The following PPCS variants were observed in gnomAD, a reference collection of about 807,000 sequenced individuals.
The protein encoded by PPCS is phosphopantothenoylcysteine synthetase, also known as phosphopantothenate--cysteine ligase.
In PPCS, 17 loss-of-function variants were observed where a neutral mutation model predicts 24.6. That is an observed-to-expected ratio of 0.69 (90% CI 0.47 to 1.04). The LOEUF (loss-of-function observed/expected upper bound fraction) is 1.04, where lower values mean the gene tolerates loss of function less well. Ranked by LOEUF, PPCS falls within the 50% of genes least tolerant of loss-of-function variation. The pLI, the probability that PPCS is intolerant of heterozygous loss-of-function variation, is 0.00. For synonymous variants in PPCS, 190 were observed against 168.3 expected (o/e 1.13, Z -1.00); for missense variants, 360 against 402.8 (o/e 0.89, Z 0.91).
At chr1:42,465,372 T>C (rs967593083), downstream of PPCS, among the ~76,000 whole-genome samples, 3 of 148,882 alleles carry the variant, frequency 2.0e-5, no homozygotes, top group Non-Finnish European at 2.9e-5. Context: ...TGTTTTGTTT[T>C]GTTTTGTTTG....
Position 42,460,143 on chromosome 1 carries a change from T to C in PPCS, c.*217T>C. 1 of 1,281,688 alleles carries C rather than the reference T, an allele frequency of 7.8e-7. No individual in the cohort carries two copies. Among genetic ancestry groups the C allele is most frequent in the East Asian group, 3.1e-5 (1 of 32,776 alleles). 79.4% of individuals were successfully genotyped at this position (1,281,688 alleles called of 1,614,324 possible). A position where few individuals can be genotyped will look rare whatever the true frequency, so the allele number is the denominator to read the frequency against. On this transcript the variant is annotated 3_prime_UTR_variant, in exon 3 of 3. Coordinates refer to ENST00000372561, the MANE Select transcript of PPCS (RefSeq NM_024664.4). Reference sequence around the variant, plus strand: ...GAACACTAGAACTGTTAATCACCTTTAAAAAGAAGAGCTTATTGGGAATTA... The same window carrying C: ...GAACACTAGAACTGTTAATCACCTTCAAAAAGAAGAGCTTATTGGGAATTA...
At chr1:42,473,165 A>T in exon 3 of PPCS, 1 of 1,230,788 alleles carries the variant, frequency 8.1e-7, no homozygotes, top group Non-Finnish European at 1.0e-6. Flanking sequence ...CTTGAAAAAG[A>T]AGAAATCAAT....
At chr1:42,457,572 G>A in intron 2 of PPCS, 1 of 572,080 alleles carries the variant, frequency 1.7e-6, no homozygotes, top group Non-Finnish European at 3.1e-6. Flanking sequence ...GTGGAGGTAT[G>A]TACAAAGTGC....
intron 2 of PPCS, among the ~76,000 whole-genome samples, chr1:42,458,210 A>C (rs565578287): frequency 6.6e-6 from 1 of 152,312 alleles, no homozygotes; most frequent in Non-Finnish European, 1.5e-5. Context: ...AATGAGATAA[A>C]GTTTTTGTTT....
chr1:42,459,293 G>A, intron 2 of PPCS: 1 of 280,598 alleles, frequency 3.6e-6, no homozygotes, highest in South Asian at 4.9e-5. Context: ...CTCCTGAGTA[G>A]CTGGGACTAC....
rs762909481 is a variant in PPCS, at chr1:42,456,570, C to T, written c.5C>T (p.Ala2Val). 8 of 1,479,018 alleles carry T rather than the reference C, an allele frequency of 5.4e-6. No homozygotes were observed. The highest frequency in any genetic ancestry group is 7.2e-6 in the Non-Finnish European group (8 of 1,116,802). 91.6% of individuals were successfully genotyped at this position (1,479,018 alleles called of 1,614,324 possible). ...GCGCCGGCCGCTGCGCTGCAGATGGCGGAAATGGATCCGGTAGCCGAGTTC... is the reference window on the plus strand; with the variant it reads ...GCGCCGGCCGCTGCGCTGCAGATGGTGGAAATGGATCCGGTAGCCGAGTTC... The part of the protein sequence containing the change: M[A>V]EMDPVAEFPQ... Residue 2 changes from alanine to valine, a missense_variant, in exon 1 of 3, where the codon GCG (alanine) becomes GTG (valine). This residue lies in a region of PPCS where 244 missense variants were observed against 234.7 expected (regional missense o/e 1.04). Coordinates refer to ENST00000372561, the MANE Select transcript of PPCS (RefSeq NM_024664.4).
intron 2 of PPCS, among the ~76,000 whole-genome samples, chr1:42,472,325 A>G: frequency 6.6e-6 from 1 of 152,228 alleles, no homozygotes; most frequent in East Asian, 1.9e-4. Flanking sequence ...TTTATCTTTC[A>G]TATACTGTCA....
chr1:42,459,157 T>A (rs76118079), intron 2 of PPCS: 1 of 65,646 alleles, frequency 1.5e-5, no homozygotes, highest in African/African-American at 6.6e-5. Context: ...AGCCAAGGCT[T>A]TTTTTTTTTT....
At chr1:42,456,469 C>T (rs983142552), upstream of PPCS, 12 of 1,301,314 alleles carry the variant, frequency 9.2e-6, no homozygotes, top group African/African-American at 3.0e-5. Context: ...TAGTGAACCG[C>T]CCACTCAGTA....
chr1:42,465,034 A>G (rs1643525761), downstream of PPCS, among the ~76,000 whole-genome samples: 1 of 152,238 alleles, frequency 6.6e-6, no homozygotes, highest in Non-Finnish European at 1.5e-5. Context: ...GTTAGATGCT[A>G]TATTGTAAGG....
intron 2 of PPCS, among the ~76,000 whole-genome samples, chr1:42,467,015 G>T (rs1436160900): frequency 6.6e-6 from 1 of 152,146 alleles, no homozygotes; most frequent in African/African-American, 2.4e-5. Context: ...TTTGTTTGGG[G>T]ATCTCATAGC....
intron 2 of PPCS, among the ~76,000 whole-genome samples, chr1:42,457,876 A>C (rs1643275525): frequency 6.6e-6 from 1 of 151,820 alleles, no homozygotes; most frequent in South Asian, 2.1e-4. Flanking sequence ...AATCGCTTGA[A>C]ACCAGGAGGC....
rs1643196566 is a variant in PPCS at position 42,456,638 on chromosome 1, C to T, written c.73C>T (p.Arg25Cys). ...TGCGCGCTGGGCTGAGGTTATGGCT[C>T]GCTTCGCGGCCAGGCTGGGCGCGCA... is the stretch of plus-strand genomic sequence containing the variant. ...GAARWAEVMA[R>C]FAARLGAQGR... The change falls in exon 1 of 3, where the codon CGC becomes TGC. Residue 25 changes from arginine to cysteine, a missense_variant. Coordinates refer to ENST00000372561, the MANE Select transcript of PPCS (RefSeq NM_024664.4). The T allele has an allele frequency of 6.4e-7, 1 of 1,574,788 alleles. No individual in the cohort carries two copies. The highest frequency in any genetic ancestry group is 8.6e-7 in the Non-Finnish European group (1 of 1,164,282).
intron 1 of PPCS, 27 bp downstream of exon 1, chr1:42,457,100 G>C (rs1479091027): frequency 6.3e-7 from 1 of 1,577,000 alleles, no homozygotes; most frequent in Admixed American, 1.7e-5. Flanking sequence ...TACCCCTTTT[G>C]CCTGGAAGCA....
intron 2 of PPCS, among the ~76,000 whole-genome samples, chr1:42,470,406 G>T (rs1400741866): frequency 1.3e-5 from 2 of 151,856 alleles, no homozygotes; most frequent in Non-Finnish European, 2.9e-5. Flanking sequence ...CAGTAGGACA[G>T]TTCCTCAAAA....
Position 42,460,087 on chromosome 1 carries a change from C to T in PPCS, c.*161C>T. The T allele has an allele frequency of 7.2e-7, 1 of 1,388,100 alleles. No individual in the cohort carries two copies. The highest frequency in any genetic ancestry group is 9.3e-7 in the Non-Finnish European group (1 of 1,076,126). 86.0% of individuals were successfully genotyped at this position (1,388,100 alleles called of 1,614,324 possible). On this transcript the variant is annotated 3_prime_UTR_variant, in exon 3 of 3. Coordinates refer to ENST00000372561, the MANE Select transcript of PPCS (RefSeq NM_024664.4). The stretch of plus-strand genomic sequence containing the variant: ...GTTTGGCATTTGTCTTTTAATGACA[C>T]CTGATATGATGTCATTTTGATTTTG...
intron 2 of PPCS, among the ~76,000 whole-genome samples, chr1:42,468,129 TA>T (rs1013898194): frequency 6.6e-6 from 1 of 152,138 alleles, no homozygotes; most frequent in Non-Finnish European, 1.5e-5. Flanking sequence ...CCTCATATAG[TA>T]GTTGGGATTA....
At chr1:42,456,419 C>T (rs1643182194), upstream of PPCS, 1 of 892,170 alleles carries the variant, frequency 1.1e-6, no homozygotes, top group Non-Finnish European at 1.6e-6. Flanking sequence ...CTACGCATTT[C>T]CAGACTTGGC....
upstream of PPCS, chr1:42,456,396 T>C: frequency 1.3e-6 from 1 of 775,514 alleles, no homozygotes; most frequent in East Asian, 2.8e-5. Flanking sequence ...CGCTGGGCTC[T>C]GGGGCAGAAC....
Sources: gnomAD v4.1 joint callset for allele counts (sites outside exome capture counted in the v4.1 genomes callset) on GRCh38, gnomAD v4.1.1 for gene constraint, gnomAD v4.1.1 regional missense constraint, MANE v1.5 for transcripts, NCBI Gene and HGNC (gene_info 2026-07-23, HGNC 2026-07-21) for gene names.